HYDIN: variants seen among roughly 807,000 people sequenced by gnomAD.
HYDIN encodes axonemal central pair apparatus protein HYDIN.
Under a neutral mutation model 403.9 loss-of-function variants are expected in HYDIN, and 132 were observed. The ratio of observed to expected loss-of-function variants is 0.33; its 90% CI spans 0.28 to 0.38. The LOEUF (loss-of-function observed/expected upper bound fraction) is 0.38. HYDIN is among the 10% of genes least tolerant of loss of function. The probability of loss-of-function intolerance (pLI) is 1.00; values close to 1 mark genes in which losing one functional copy is unlikely to be tolerated. For synonymous variants in HYDIN, 1,202 were observed against 1,891.7 expected, an observed-to-expected ratio of 0.64 and a Z score of 9.46; for missense variants, 2,827 against 5,009.5, an observed-to-expected ratio of 0.56 and a Z score of 13.15.
chr16:70,837,693 C>T lies in HYDIN; in HGVS notation c.13239G>A (p.Met4413Ile). ...AGGCCTCCCGACTGTCTGTTACCTT[C>T]ATTTTGGTACCCTTCCCTTTGATTT... is the stretch of plus-strand genomic sequence containing the variant. ...TVEIKGKGTK[M>I]KILVLDPANR... Residue 4413 changes from methionine (M) to isoleucine (I), a missense_variant, in exon 77 of 86, where the codon ATG (methionine) becomes ATA (isoleucine). By Grantham distance (10) the Met-to-Ile change is conservative (BLOSUM62 1). Transcript: ENST00000393567. 6.2e-7 allele frequency: 1 copy of T among 1,613,876 alleles called. No homozygotes were observed.
intron 23 of HYDIN, among the ~76,000 whole-genome samples, chr16:71,005,380 A>G (rs1205409971): frequency 3.3e-5 from 5 of 152,088 alleles, no homozygotes; most frequent in Non-Finnish European, 7.4e-5. Flanking sequence ...TAGTGCCCTT[A>G]TAAGAAGGGA....
intron 41 of HYDIN, among the ~76,000 whole-genome samples, chr16:70,946,622 G>A (rs866003270): frequency 6.6e-6 from 1 of 152,132 alleles, no homozygotes; most frequent in Non-Finnish European, 1.5e-5. Context: ...GGGAGGGCAC[G>A]AGGTGGGTGC....
In HYDIN at chr16:70,920,860, T is replaced by C. The variant is rs1157605492; in HGVS notation, c.7516A>G (p.Arg2506Gly). The part of the protein sequence containing the change: ...DQRQVPLGGR[R>G]GRKDRERERL... ...TCTCTCTCCCGGTCCTTGCGGCCCC[T>C]GCGCCCACCCAAGGGGACCTGGCGC... is the stretch of plus-strand genomic sequence containing the variant. Residue 2506 changes from arginine to glycine, a missense_variant, in exon 46 of 86, where the codon AGG becomes GGG. Coordinates refer to ENST00000393567, the MANE Select transcript of HYDIN (RefSeq NM_001270974.2). 6.2e-6 allele frequency: 10 copies of C among 1,600,354 alleles called. No homozygotes were observed. The highest frequency in any genetic ancestry group is 8.5e-6 in the Non-Finnish European group (10 of 1,172,936).
chr16:70,938,379 C>G (rs1266237788), intron 44 of HYDIN, among the ~76,000 whole-genome samples: 2 of 152,350 alleles, frequency 1.3e-5, no homozygotes, highest in Admixed American at 6.5e-5. Context: ...AGCCTGGTCC[C>G]AAATGCCCGC....
At chr16:70,810,512 A>C (rs1021748119) in intron 84 of HYDIN, among the ~76,000 whole-genome samples, 1 of 152,206 alleles carries the variant, frequency 6.6e-6, no homozygotes, top group African/African-American at 2.4e-5. Flanking sequence ...ATTTCAGTGG[A>C]ATATTGTGTA....
At chr16:71,198,329 T>A (rs1023599319) in intron 1 of HYDIN, among the ~76,000 whole-genome samples, 36 of 152,216 alleles carry the variant, frequency 2.4e-4, no homozygotes, top group African/African-American at 8.2e-4. Flanking sequence ...TATGAACATT[T>A]TTGCAAATGT....
intron 18 of HYDIN, among the ~76,000 whole-genome samples, chr16:71,059,042 G>A (rs561973439): frequency 2.6e-5 from 4 of 152,218 alleles, no homozygotes; most frequent in African/African-American, 4.8e-5. Context: ...TGCGTTAATC[G>A]ACTGTTATTG....
intron 39 of HYDIN, among the ~76,000 whole-genome samples, chr16:70,955,786 C>T (rs1295504675): frequency 2.6e-5 from 4 of 152,134 alleles, no homozygotes; most frequent in East Asian, 1.9e-4. Flanking sequence ...TCTGCATCCT[C>T]GCTGGGTTTT....
chr16:70,831,110 T>TC (rs1265636123), intron 80 of HYDIN, among the ~76,000 whole-genome samples: 2 of 151,680 alleles, frequency 1.3e-5, no homozygotes, highest in African/African-American at 2.4e-5. Flanking sequence ...AACAGTGTTT[T>TC]TTTTTTTTAG....
chr16:71,116,505 C>G (rs895272445), intron 9 of HYDIN, among the ~76,000 whole-genome samples: 14 of 152,136 alleles, frequency 9.2e-5, no homozygotes, highest in Middle Eastern at 3.4e-3. Flanking sequence ...GTGCAGAGCT[C>G]TCTTCGAGAT....
chr16:71,006,738 C>G lies in HYDIN; in HGVS notation c.3644+11391G>C, dbSNP rs529839129. ...CCTGCACTCAGCCCTCTAGGGGCAGCAGGCGTCTCTTCACCCTGCTGGGAC... is the reference window on the plus strand; with the variant it reads ...CCTGCACTCAGCCCTCTAGGGGCAGGAGGCGTCTCTTCACCCTGCTGGGAC... On this transcript the variant is annotated intron_variant, in intron 23 of 85. Coordinates refer to ENST00000393567, the MANE Select transcript of HYDIN (RefSeq NM_001270974.2). Among the ~76,000 whole-genome samples the G allele has an allele frequency of 3.2e-4, 48 of 152,062 alleles. 1 individual carries two copies. In the South Asian group the frequency reaches 7.9e-3, roughly 25 times the overall value.
At chr16:71,128,087 G>T (rs535786588) in intron 9 of HYDIN, among the ~76,000 whole-genome samples, 4 of 151,762 alleles carry the variant, frequency 2.6e-5, no homozygotes, top group Non-Finnish European at 5.9e-5. Context: ...TCTCCAAAAG[G>T]CCTGTCCTGT....
At chr16:71,200,885 T>G (rs1414564885) in intron 1 of HYDIN, among the ~76,000 whole-genome samples, 1 of 152,134 alleles carries the variant, frequency 6.6e-6, no homozygotes, top group Non-Finnish European at 1.5e-5. Context: ...ATCCAGCCTC[T>G]CATTCTAAGT....
intron 41 of HYDIN, among the ~76,000 whole-genome samples, chr16:70,948,018 A>T (rs1405327830): frequency 6.6e-5 from 10 of 151,948 alleles, no homozygotes; most frequent in African/African-American, 2.4e-4. Flanking sequence ...AAGCCAAAAG[A>T]ACAAAGCTGG....
At chr16:71,170,894 T>G (rs1414266543) in intron 5 of HYDIN, among the ~76,000 whole-genome samples, 1 of 152,184 alleles carries the variant, frequency 6.6e-6, no homozygotes, top group Admixed American at 6.5e-5. Context: ...AGACTGGTCA[T>G]GCGCTGAGAT....
At chr16:70,945,082 T>C (rs76166010) in intron 41 of HYDIN, among the ~76,000 whole-genome samples, 5,667 of 152,018 alleles carry the variant, frequency 0.037, no homozygotes, top group African/African-American at 0.088. Context: ...ACCACCCTAC[T>C]CGTCACATGA....
intron 67 of HYDIN, 126 bp downstream of exon 67, chr16:70,866,043 G>A (rs2143635468): frequency 1.7e-6 from 1 of 574,292 alleles, no homozygotes; most frequent in East Asian, 2.9e-5. Flanking sequence ...ACACTCTGGT[G>A]CATGCCACAC....
intron 1 of HYDIN, among the ~76,000 whole-genome samples, chr16:71,216,417 G>A (rs767398581): frequency 3.9e-5 from 6 of 152,106 alleles, no homozygotes; most frequent in Admixed American, 2.0e-4. Context: ...ACTGAACTAC[G>A]TTTCTAGGAA....
intron 76 of HYDIN, 107 bp downstream of exon 76, chr16:70,839,957 A>G (rs2037702731): frequency 1.2e-6 from 1 of 816,010 alleles, no homozygotes; most frequent in African/African-American, 1.8e-5. Flanking sequence ...ACTCTTTCCC[A>G]TAATCATTTT....
Sources: gnomAD v4.1 joint callset for allele counts (sites outside exome capture counted in the v4.1 genomes callset) on GRCh38, gnomAD v4.1.1 for gene constraint, MANE v1.5 for transcripts, NCBI Gene and HGNC (gene_info 2026-07-23, HGNC 2026-07-21) for gene names.